UGT2B7: variants seen among roughly 807,000 people sequenced by gnomAD.
The protein encoded by UGT2B7 is UDP-glucuronosyltransferase 2B7.
Under a neutral mutation model 51.9 loss-of-function variants are expected in UGT2B7, and 51 were observed. The observed-to-expected ratio is 0.98, with a 90% CI of 0.78 to 1.24. The LOEUF is 1.24. Ranked by LOEUF, UGT2B7 falls within the 50% of genes most tolerant of loss-of-function variation. The pLI, the probability that UGT2B7 is intolerant of heterozygous loss-of-function variation, is 0.00. For missense variants in UGT2B7, 727 were observed against 628.4 expected (o/e 1.16, Z -1.68); for synonymous variants, 225 against 211.6 (o/e 1.06, Z -0.55).
At chr4:69,086,799 T>C (rs1718970228) in intron 1 of UGT2B7, among the ~76,000 whole-genome samples, 1 of 151,946 alleles carries the variant, frequency 6.6e-6, no homozygotes, top group African/African-American at 2.4e-5. Flanking sequence ...TTTTTTATTG[T>C]TTACAATGAC....
intron 1 of UGT2B7, among the ~76,000 whole-genome samples, chr4:69,082,109 T>C (rs1348701218): frequency 6.6e-6 from 1 of 152,092 alleles, no homozygotes; most frequent in African/African-American, 2.4e-5. Context: ...TCACAAATTA[T>C]GCCCATATAA....
At chr4:69,092,241 A>T (rs1201126257), upstream of UGT2B7, among the ~76,000 whole-genome samples, 1 of 152,212 alleles carries the variant, frequency 6.6e-6, no homozygotes, top group African/African-American at 2.4e-5. Flanking sequence ...TTTGGCTTGT[A>T]GACCCAGTTC....
intron 1 of UGT2B7, among the ~76,000 whole-genome samples, chr4:69,059,104 G>C (rs538906907): frequency 6.6e-6 from 1 of 152,242 alleles, no homozygotes; most frequent in African/African-American, 2.4e-5. Flanking sequence ...AAGGATATGA[G>C]GACTAGGACA....
intron 1 of UGT2B7, among the ~76,000 whole-genome samples, chr4:69,086,515 C>A (rs1032424426): frequency 1.3e-5 from 2 of 151,872 alleles, no homozygotes; most frequent in African/African-American, 4.8e-5. Context: ...TGCAGTTTAA[C>A]TCTGAGGTTT....
At chr4:69,082,331 G>A (rs1169552622) in intron 1 of UGT2B7, among the ~76,000 whole-genome samples, 1 of 151,676 alleles carries the variant, frequency 6.6e-6, no homozygotes, top group Admixed American at 6.6e-5. Context: ...ACATGAGGAA[G>A]GCATGTTAAA....
intron 1 of UGT2B7, among the ~76,000 whole-genome samples, chr4:69,066,729 AAG>A (rs1718490575): frequency 1.3e-5 from 2 of 152,122 alleles, no homozygotes; most frequent in Non-Finnish European, 2.9e-5. Flanking sequence ...TCTTTATTTC[AAG>A]TGTAGTTACC....
At chr4:69,082,763 T>TA (rs1718866878) in intron 1 of UGT2B7, among the ~76,000 whole-genome samples, 1 of 152,166 alleles carries the variant, frequency 6.6e-6, no homozygotes, top group East Asian at 1.9e-4. Flanking sequence ...ACAACCTAGC[T>TA]AAGATCATTG....
intron 5 of UGT2B7, among the ~76,000 whole-genome samples, chr4:69,109,022 C>T (rs1318655588): frequency 6.6e-6 from 1 of 151,220 alleles, no homozygotes; most frequent in Non-Finnish European, 1.5e-5. Flanking sequence ...GACATTTCAC[C>T]TAGGCTAATT....
At chr4:69,089,773 C>T (rs1719044705) in intron 2 of UGT2B7, among the ~76,000 whole-genome samples, 1 of 152,152 alleles carries the variant, frequency 6.6e-6, no homozygotes, top group South Asian at 2.1e-4. Context: ...AATCATTTGC[C>T]TATGAATGCT....
chr4:69,055,836 T>C (rs1028457720), intron 1 of UGT2B7, among the ~76,000 whole-genome samples: 1 of 152,216 alleles, frequency 6.6e-6, no homozygotes, highest in Non-Finnish European at 1.5e-5. Context: ...AAGAAAAGGA[T>C]TCGCTCATCC....
At chr4:69,087,064 C>CTCTCTCTCTCTCTG (rs1235708230) in intron 1 of UGT2B7, among the ~76,000 whole-genome samples, 1 of 150,906 alleles carries the variant, frequency 6.6e-6, no homozygotes, top group Non-Finnish European at 1.5e-5. Flanking sequence ...CTCTCTTTCT[C>CTCTCTCTCTCTCTG]TCTCTCTCTC....
At chr4:69,070,035 G>C (rs1220016176) in intron 1 of UGT2B7, 1 of 151,514 alleles carries the variant, frequency 6.6e-6, no homozygotes, top group Non-Finnish European at 1.5e-5. Flanking sequence ...TTTAATCTTT[G>C]TTAAACATTA....
In UGT2B7 at chr4:69,079,434, G is replaced by A. The variant is rs367974040; in HGVS notation, c.-158-10038G>A. The stretch of plus-strand genomic sequence containing the variant: ...ACCAACATGGCACATGTATACATAC[G>A]TAACAAACCTGTACGTTGTGCACAT... On this transcript the variant is annotated intron_variant, in intron 1 of 5. Coordinates refer to the UGT2B7 transcript ENST00000502942. Among the ~76,000 whole-genome samples, 10 of 152,248 alleles carry A rather than the reference G, an allele frequency of 6.6e-5. 1 individual carries two copies. The highest frequency in any genetic ancestry group is 2.4e-4 in the African/African-American group (10 of 41,560).
At chr4:69,093,796 C>T (rs1418821198), upstream of UGT2B7, among the ~76,000 whole-genome samples, 2 of 152,140 alleles carry the variant, frequency 1.3e-5, no homozygotes, top group Non-Finnish European at 2.9e-5. Context: ...TGTGTTGATG[C>T]CAGGTTGGCA....
chr4:69,101,730 A>G (rs1719424224), intron 2 of UGT2B7, among the ~76,000 whole-genome samples: 1 of 152,184 alleles, frequency 6.6e-6, no homozygotes, highest in Non-Finnish European at 1.5e-5. Flanking sequence ...AGTTAGGAAA[A>G]GTTTTACCCC....
At chr4:69,076,242 A>G (rs7441365) in intron 1 of UGT2B7, among the ~76,000 whole-genome samples, 65,238 of 152,036 alleles carry the variant, frequency 0.43, 15,556 homozygotes, top group African/African-American at 0.64. Context: ...ATAAACATAT[A>G]TGTGCATGTG....
chr4:69,101,278 T>A (rs1719410442), intron 2 of UGT2B7, among the ~76,000 whole-genome samples: 1 of 152,004 alleles, frequency 6.6e-6, no homozygotes, highest in Admixed American at 6.6e-5. Context: ...ACAAAAGCCA[T>A]GATGAAAAAA....
intron 1 of UGT2B7, among the ~76,000 whole-genome samples, chr4:69,088,789 C>T (rs1050867583): frequency 1.3e-5 from 2 of 152,080 alleles, no homozygotes; most frequent in Non-Finnish European, 2.9e-5. Context: ...TATAGCCACT[C>T]CTAATGCCTC....
Position 69,108,246 on chromosome 4 carries a change from G to A in UGT2B7, c.1234G>A (p.Ala412Thr), listed in dbSNP as rs755908336. 5.6e-6 allele frequency: 9 copies of A among 1,613,716 alleles called. No individual in the cohort carries two copies. Among genetic ancestry groups the A allele is most frequent in the Non-Finnish European group, 6.8e-6 (8 of 1,179,724 alleles). The change falls in exon 5 of 6, where the codon GCT becomes ACT. Residue 412 changes from alanine (A) to threonine (T), a missense_variant. By Grantham distance (58) the Ala-to-Thr change is moderately conservative. Coordinates refer to ENST00000305231, the MANE Select transcript of UGT2B7 (RefSeq NM_001074.4). Reference sequence around the variant, plus strand: ...TGCTCACATGAAGGCCAGGGGAGCAGCTGTTAGAGTGGACTTCAACACAAT... The same window carrying A: ...TGCTCACATGAAGGCCAGGGGAGCAACTGTTAGAGTGGACTTCAACACAAT... ...NIAHMKARGA[A>T]VRVDFNTMSS...
Sources: gnomAD v4.1 joint callset for allele counts (sites outside exome capture counted in the v4.1 genomes callset) on GRCh38, gnomAD v4.1.1 for gene constraint, MANE v1.5 for transcripts, NCBI Gene and HGNC (gene_info 2026-07-23, HGNC 2026-07-21) for gene names.